Variants in HORMAD2 observed in about 807,000 individuals in gnomAD.
The protein encoded by HORMAD2 is HORMA domain containing 2.
Under a neutral mutation model 38.8 loss-of-function variants are expected in HORMAD2, and 45 were observed. That is an observed-to-expected ratio of 1.16 (90% CI 0.91 to 1.49). The LOEUF is 1.49. Among genes scored for constraint, HORMAD2 ranks in the 40% most tolerant of loss-of-function variants. The probability of loss-of-function intolerance (pLI) is 0.00; values close to 1 mark genes in which losing one functional copy is unlikely to be tolerated. For missense variants in HORMAD2, 338 were observed against 367.0 expected (o/e 0.92, Z 0.65); for synonymous variants, 126 against 122.8 (o/e 1.03, Z -0.17).
At chr22:30,127,601 C>T (rs1023030872) in intron 10 of HORMAD2, among the ~76,000 whole-genome samples, 1 of 152,200 alleles carries the variant, frequency 6.6e-6, no homozygotes, top group African/African-American at 2.4e-5. Context: ...CCTTGGCCTC[C>T]TCAAGTGCTG....
chr22:30,200,682 CT>C, the HORMAD2 span, among the ~76,000 whole-genome samples: 1 of 151,586 alleles, frequency 6.6e-6, no homozygotes. Context: ...TGCCCTAGGA[CT>C]GCTGTCATAA....
chr22:30,206,154 C>G, the HORMAD2 span, among the ~76,000 whole-genome samples: 1 of 151,994 alleles, frequency 6.6e-6, no homozygotes, highest in Non-Finnish European at 1.5e-5. Context: ...ACACCGAGAC[C>G]CAGAGAGTTT....
At chr22:30,202,426 A>G in the HORMAD2 span, among the ~76,000 whole-genome samples, 1 of 149,946 alleles carries the variant, frequency 6.7e-6, no homozygotes, top group Non-Finnish European at 1.5e-5. Flanking sequence ...ATCAGCTTAC[A>G]TCGGAGGAAT....
rs1298569526 is a variant in HORMAD2 at position 30,176,229 on chromosome 22, A to T, written c.*62A>T. ...GTTTATTTTGTAAAAACATGCATAA[A>T]CTGTCTTAGCAGGAAAGTACATTCC... On this transcript the variant is annotated 3_prime_UTR_variant, in exon 11 of 11. Coordinates refer to ENST00000336726, the MANE Select transcript of HORMAD2 (RefSeq NM_152510.4). 4.3e-6 allele frequency: 5 copies of T among 1,152,746 alleles called. No individual in the cohort carries two copies. In the African/African-American group the frequency reaches 7.7e-5, roughly 18 times the overall value. The allele number at this position is 1,152,746 out of a possible 1,614,324, so 71.4% of individuals were successfully genotyped here. A position where few individuals can be genotyped will look rare whatever the true frequency, so the allele number is the denominator to read the frequency against.
At chr22:30,190,679 G>A in the HORMAD2 span, among the ~76,000 whole-genome samples, 1 of 152,214 alleles carries the variant, frequency 6.6e-6, no homozygotes, top group Non-Finnish European at 1.5e-5. Context: ...CTGTGAAAGT[G>A]GCCCTGAGCT....
chr22:30,189,403 G>C, the HORMAD2 span, among the ~76,000 whole-genome samples: 26 of 152,080 alleles, frequency 1.7e-4, no homozygotes, highest in African/African-American at 6.3e-4. Context: ...TTAGTAGGTA[G>C]TAACTACAAC....
chr22:30,158,398 AT>A (rs1569115159), intron 10 of HORMAD2, among the ~76,000 whole-genome samples: 1 of 152,228 alleles, frequency 6.6e-6, no homozygotes, highest in Non-Finnish European at 1.5e-5. Flanking sequence ...ACCCTTCCTA[AT>A]CAGGATTATT....
At chr22:30,087,706 GGA>G (rs142780838) in intron 1 of HORMAD2, among the ~76,000 whole-genome samples, 4 of 150,264 alleles carry the variant, frequency 2.7e-5, no homozygotes, top group African/African-American at 9.8e-5. Flanking sequence ...GGCCAAAGCA[GGA>G]GAGAGAGAGA....
intron 10 of HORMAD2, among the ~76,000 whole-genome samples, chr22:30,147,437 A>G (rs1924487860): frequency 6.6e-6 from 1 of 152,134 alleles, no homozygotes; most frequent in African/African-American, 2.4e-5. Context: ...ATGAACCTCA[A>G]TCCTTACCTC....
intron 10 of HORMAD2, among the ~76,000 whole-genome samples, chr22:30,135,122 C>T (rs1194416724): frequency 6.6e-6 from 1 of 151,882 alleles, no homozygotes; most frequent in Non-Finnish European, 1.5e-5. Context: ...CATATATTCA[C>T]CTATGTAGGG....
intron 1 of HORMAD2, among the ~76,000 whole-genome samples, chr22:30,082,637 T>G (rs1040131749): frequency 6.6e-6 from 1 of 151,496 alleles, no homozygotes; most frequent in Non-Finnish European, 1.5e-5. Context: ...ATAAAAAATT[T>G]TTAAAAATTA....
At chr22:30,183,141 G>C in the HORMAD2 span, among the ~76,000 whole-genome samples, 1 of 152,142 alleles carries the variant, frequency 6.6e-6, no homozygotes, top group African/African-American at 2.4e-5. Context: ...GGTACGCCAA[G>C]GAGGAATTAA....
In HORMAD2 at chr22:30,122,094, A is replaced by T. The variant is rs1471939139; in HGVS notation, c.699A>T (p.Lys233Asn). 6.2e-7 allele frequency: 1 copy of T among 1,613,700 alleles called. No individual in the cohort carries two copies. The highest frequency in any genetic ancestry group is 2.2e-5 in the East Asian group (1 of 44,888). ...CTGGCTTTCATAGCATGAAAGTAAA[A>T]GTCATGACAGAGGCTACAAAAGTGA... ...VSTGFHSMKV[K>N]VMTEATKVID... The change falls in exon 10 of 11, where the codon AAA becomes AAT. Residue 233 changes from lysine (K) to asparagine (N), a missense_variant. Coordinates refer to ENST00000336726, the MANE Select transcript of HORMAD2 (RefSeq NM_152510.4).
intron 10 of HORMAD2, among the ~76,000 whole-genome samples, chr22:30,149,414 C>T (rs1211671041): frequency 6.6e-6 from 1 of 152,194 alleles, no homozygotes; most frequent in Non-Finnish European, 1.5e-5. Flanking sequence ...AGTGTTCTAG[C>T]TAGTGGCTAC....
chr22:30,124,320 ATCTT>A (rs985322088), intron 10 of HORMAD2, among the ~76,000 whole-genome samples: 24 of 151,774 alleles, frequency 1.6e-4, no homozygotes, highest in African/African-American at 5.6e-4. Context: ...CATATGTAGA[ATCTT>A]TATTTCTTTT....
intron 3 of HORMAD2, among the ~76,000 whole-genome samples, chr22:30,101,584 GTAT>G (rs1920945605): frequency 6.8e-6 from 1 of 147,292 alleles, no homozygotes; most frequent in Non-Finnish European, 1.5e-5. Flanking sequence ...AGAACTTAAA[GTAT>G]TAAAAAAAAA....
At chr22:30,206,181 T>A in the HORMAD2 span, among the ~76,000 whole-genome samples, 2 of 152,070 alleles carry the variant, frequency 1.3e-5, no homozygotes, top group Non-Finnish European at 2.9e-5. Context: ...TTGTTTTGTT[T>A]TTTGAGATGG....
At chr22:30,153,336 A>G (rs1244262354) in intron 10 of HORMAD2, among the ~76,000 whole-genome samples, 2 of 152,086 alleles carry the variant, frequency 1.3e-5, no homozygotes, top group Admixed American at 6.6e-5. Flanking sequence ...CTTTTATTCT[A>G]TCGCTTCCCT....
chr22:30,139,260 A>C (rs1307740310), intron 10 of HORMAD2, among the ~76,000 whole-genome samples: 3 of 121,338 alleles, frequency 2.5e-5, no homozygotes, highest in Non-Finnish European at 5.5e-5. Context: ...TGTACTATAT[A>C]TATATATATA....
Sources: gnomAD v4.1 joint callset for allele counts (sites outside exome capture counted in the v4.1 genomes callset) on GRCh38, gnomAD v4.1.1 for gene constraint, MANE v1.5 for transcripts, NCBI Gene and HGNC (gene_info 2026-07-23, HGNC 2026-07-21) for gene names.